The following CD109 variants were observed in gnomAD, a reference collection of about 807,000 sequenced individuals.
The protein encoded by CD109 is CD109 molecule, also known as CD109 antigen.
A neutral mutation model predicts 165.8 loss-of-function variants in CD109; 149 were observed. The observed-to-expected ratio is 0.90, with a 90% CI of 0.79 to 1.03. CD109 has a LOEUF of 1.03. Among genes scored for constraint, CD109 ranks in the 50% least tolerant of loss-of-function variants. The probability of loss-of-function intolerance (pLI) is 0.00; values close to 1 mark genes in which losing one functional copy is unlikely to be tolerated. For synonymous variants in CD109, 585 were observed against 592.1 expected (o/e 0.99, Z 0.18); for missense variants, 1,712 against 1,677.8 (o/e 1.02, Z -0.36).
intron 5 of CD109, among the ~76,000 whole-genome samples, chr6:73,744,113 A>G (rs1329757072): frequency 6.6e-6 from 1 of 152,248 alleles, no homozygotes; most frequent in East Asian, 1.9e-4. Flanking sequence ...GTGCATTCAC[A>G]TTGTGGTGCA....
intron 15 of CD109, among the ~76,000 whole-genome samples, chr6:73,778,105 C>T (rs892914904): frequency 6.6e-6 from 1 of 152,116 alleles, no homozygotes; most frequent in Non-Finnish European, 1.5e-5. Flanking sequence ...TTGTAGTTCT[C>T]CTTGTAGAGA....
chr6:73,692,622 G>A (rs1289093376), upstream of CD109, among the ~76,000 whole-genome samples: 1 of 152,006 alleles, frequency 6.6e-6, no homozygotes, highest in Non-Finnish European at 1.5e-5. Flanking sequence ...CCTCTGATAT[G>A]GTTTGGCTGT....
rs1287663636 is a variant in CD109 at position 73,818,444 on chromosome 6, G to A, written c.3968G>A (p.Gly1323Asp). ...MALMEVNLLS[G>D]FMVPSEAISL... Reference sequence around the variant, plus strand: ...CTTATGGAAGTTAACCTATTAAGTGGCTTTATGGTGCCTTCAGAAGCAATT... The same window carrying A: ...CTTATGGAAGTTAACCTATTAAGTGACTTTATGGTGCCTTCAGAAGCAATT... Residue 1323 changes from glycine to aspartate, a missense_variant, in exon 31 of 33, where the codon GGC (glycine) becomes GAC (aspartate). Physicochemically the swap from Gly to Asp is moderately conservative, Grantham distance 94. Transcript: ENST00000287097. 6.2e-7 allele frequency: 1 copy of A among 1,613,670 alleles called. No individual in the cohort carries two copies. Among genetic ancestry groups the A allele is most frequent in the Non-Finnish European group, 8.5e-7 (1 of 1,179,924 alleles).
Position 73,780,268 on chromosome 6 carries a change from A to G in CD109, c.1828-156A>G, listed in dbSNP as rs185679206. On this transcript the variant is annotated intron_variant, in intron 15 of 32. Transcript: ENST00000287097. ...TAAGAAATGTAATTTTGGCTGACTG[A>G]CTGATGAACAAAGCAATTACATATT... 2.7e-3 allele frequency among the ~76,000 whole-genome samples: 416 copies of G among 152,310 alleles called. 1 individual carries two copies. The highest frequency in any genetic ancestry group is 9.4e-3 in the African/African-American group (389 of 41,564).
intron 2 of CD109, among the ~76,000 whole-genome samples, chr6:73,722,231 T>C (rs1422920628): frequency 6.6e-6 from 1 of 152,232 alleles, no homozygotes; most frequent in East Asian, 1.9e-4. Context: ...GACACTATAA[T>C]AGCTAACATA....
intron 23 of CD109, among the ~76,000 whole-genome samples, chr6:73,796,248 G>T (rs781685117): frequency 2.0e-5 from 3 of 152,274 alleles, no homozygotes; most frequent in Non-Finnish European, 4.4e-5. Flanking sequence ...TGATCCTGCA[G>T]TGGGCTCCCG....
Position 73,823,523 on chromosome 6 carries a change from G to A in CD109, c.4228G>A (p.Val1410Ile), listed in dbSNP as rs745898637. The A allele has an allele frequency of 1.8e-5, 29 of 1,613,964 alleles. No homozygotes were observed. The highest frequency in any genetic ancestry group is 1.7e-4 in the Admixed American group (10 of 59,998). Reference sequence around the variant, plus strand: ...GTCCTCCTGTGACCTTTGCAGTGATGTCCAGGGCTGCCGTCCTTGTGAGGA... The same window carrying A: ...GTCCTCCTGTGACCTTTGCAGTGATATCCAGGGCTGCCGTCCTTGTGAGGA... ...KLSSCDLCSD[V>I]QGCRPCEDGA... is the part of the protein sequence containing the mutation. The change falls in exon 33 of 33, where the codon GTC becomes ATC. Residue 1410 changes from valine to isoleucine, a missense_variant. Transcript: ENST00000287097.
chr6:73,709,524 C>T (rs1771442218), intron 2 of CD109, among the ~76,000 whole-genome samples: 1 of 152,096 alleles, frequency 6.6e-6, no homozygotes, highest in African/African-American at 2.4e-5. Context: ...GTAGTTTTTT[C>T]CAGTTCTGTG....
At chr6:73,697,020 A>G (rs776245463) in intron 1 of CD109, among the ~76,000 whole-genome samples, 6 of 152,276 alleles carry the variant, frequency 3.9e-5, no homozygotes, top group Non-Finnish European at 7.3e-5. Context: ...CAAGAAAATA[A>G]TCACGCTGGG....
chr6:73,761,811 G>A (rs942112067), intron 7 of CD109, among the ~76,000 whole-genome samples: 4 of 151,816 alleles, frequency 2.6e-5, no homozygotes, highest in South Asian at 4.2e-4. Context: ...ATGAGCCACC[G>A]TGCCCATCCA....
intron 30 of CD109, 54 bp downstream of exon 30, chr6:73,815,177 A>T: frequency 6.9e-7 from 1 of 1,440,540 alleles, no homozygotes; most frequent in East Asian, 2.6e-5. Context: ...ATAGACTTGA[A>T]GGTTTAATTA....
intron 2 of CD109, among the ~76,000 whole-genome samples, chr6:73,710,843 A>G (rs797007531): frequency 6.6e-5 from 10 of 152,314 alleles, no homozygotes; most frequent in African/African-American, 2.4e-4. Flanking sequence ...TCAGGTCTTT[A>G]TTACAGCTGC....
At position 73,826,222 on chromosome 6, in the gene CD109, G is replaced by A. The variant is rs1461305567; in HGVS notation, c.*2589G>A. 3 of 152,122 alleles carry A rather than the reference G, an allele frequency of 2.0e-5. No individual in the cohort carries two copies. Among genetic ancestry groups the A allele is most frequent in the Non-Finnish European group, 4.4e-5 (3 of 68,024 alleles). 9.4% of individuals were successfully genotyped at this position (152,122 alleles called of 1,614,324 possible). ...AATACCACAGGCATAAGGAGAAAAG[G>A]AGTATATGTAGTAGTAATAATTACT... On this transcript the variant is annotated 3_prime_UTR_variant, in exon 33 of 33. Coordinates refer to ENST00000287097, the MANE Select transcript of CD109 (RefSeq NM_133493.5).
intron 2 of CD109, among the ~76,000 whole-genome samples, chr6:73,716,000 G>A (rs1451817604): frequency 1.3e-5 from 2 of 152,044 alleles, no homozygotes; most frequent in Non-Finnish European, 2.9e-5. Context: ...TTAATTTTTA[G>A]CTACCACAAA....
intron 22 of CD109, among the ~76,000 whole-genome samples, chr6:73,790,552 A>T (rs548998549): frequency 6.6e-5 from 10 of 152,246 alleles, no homozygotes; most frequent in African/African-American, 2.4e-4. Flanking sequence ...AAGTCCCATG[A>T]TCTGCTTTTG....
chr6:73,795,329 C>T (rs1775116321), intron 23 of CD109, among the ~76,000 whole-genome samples: 1 of 151,642 alleles, frequency 6.6e-6, no homozygotes, highest in South Asian at 2.1e-4. Flanking sequence ...TTTTACATAG[C>T]TTGAAACATG....
At chr6:73,787,997 CT>C (rs1488152051) in intron 21 of CD109, among the ~76,000 whole-genome samples, 1 of 152,056 alleles carries the variant, frequency 6.6e-6, no homozygotes, top group Non-Finnish European at 1.5e-5. Context: ...ACATTTTCAT[CT>C]TCTTCTTTGT....
intron 7 of CD109, among the ~76,000 whole-genome samples, chr6:73,760,034 A>G (rs1449973478): frequency 6.6e-6 from 1 of 152,044 alleles, no homozygotes; most frequent in Admixed American, 6.6e-5. Flanking sequence ...TGATTTATAG[A>G]CTGCAAAGCA....
the CD109 span, among the ~76,000 whole-genome samples, chr6:73,681,070 C>G: frequency 6.6e-6 from 1 of 152,062 alleles, no homozygotes; most frequent in East Asian, 1.9e-4. Context: ...TTTCAGTGGC[C>G]CATCTGCAGT....
Sources: allele counts gnomAD v4.1 joint callset (sites outside exome capture counted in the v4.1 genomes callset), GRCh38; gene constraint gnomAD v4.1.1; transcripts MANE v1.5; gene names NCBI Gene and HGNC (gene_info 2026-07-23, HGNC 2026-07-21).